The following RAB3C variants were observed in gnomAD, a reference collection of about 807,000 sequenced individuals.
RAB3C encodes RAB3C, member RAS oncogene family, also known as ras-related protein Rab-3C.
A neutral mutation model predicts 26.4 loss-of-function variants in RAB3C; 17 were observed. The observed-to-expected ratio is 0.64, with a 90% CI of 0.44 to 0.97. The LOEUF is 0.97. Among genes scored for constraint, RAB3C ranks in the 50% least tolerant of loss-of-function variants. RAB3C has a pLI of 0.00. For synonymous variants in RAB3C, 91 were observed against 95.9 expected, an observed-to-expected ratio of 0.95 and a Z score of 0.30; for missense variants, 242 against 281.9, an observed-to-expected ratio of 0.86 and a Z score of 1.01.
chr5:58,812,931 G>T (rs1051363125), intron 3 of RAB3C, among the ~76,000 whole-genome samples: 1 of 152,156 alleles, frequency 6.6e-6, no homozygotes, highest in South Asian at 2.1e-4. Flanking sequence ...TCTCATAGAA[G>T]AGGAAGCAGA....
intron 2 of RAB3C, among the ~76,000 whole-genome samples, chr5:58,651,828 C>G (rs1747657153): frequency 6.6e-6 from 1 of 152,116 alleles, no homozygotes; most frequent in Admixed American, 6.6e-5. Flanking sequence ...GCTCGGGTCT[C>G]TTAGATAAAA....
intron 3 of RAB3C, among the ~76,000 whole-genome samples, chr5:58,795,161 CTT>C (rs982168686): frequency 3.9e-5 from 6 of 152,202 alleles, no homozygotes; most frequent in Non-Finnish European, 8.8e-5. Context: ...CACATGCTCT[CTT>C]TGCCTGTCAC....
intron 2 of RAB3C, among the ~76,000 whole-genome samples, chr5:58,713,326 A>C (rs558069322): frequency 6.6e-6 from 1 of 152,334 alleles, no homozygotes; most frequent in African/African-American, 2.4e-5. Flanking sequence ...ATTTTTCAAA[A>C]CAAATTAGAA....
intron 2 of RAB3C, among the ~76,000 whole-genome samples, chr5:58,676,334 C>A (rs1283635055): frequency 1.3e-5 from 2 of 152,022 alleles, no homozygotes; most frequent in Non-Finnish European, 2.9e-5. Flanking sequence ...GAAACCCTGT[C>A]TCTACTAAAA....
At chr5:58,647,769 C>A (rs1177007562) in intron 2 of RAB3C, 1 of 152,058 alleles carries the variant, frequency 6.6e-6, no homozygotes, top group East Asian at 1.9e-4. Context: ...ATAATCCTAA[C>A]CCTTGGATGT....
intron 2 of RAB3C, among the ~76,000 whole-genome samples, chr5:58,712,500 T>C (rs1749080337): frequency 6.6e-6 from 1 of 152,142 alleles, no homozygotes; most frequent in Non-Finnish European, 1.5e-5. Context: ...TTTAAAACTG[T>C]CTACAAAAAA....
chr5:58,723,226 A>G (rs1191049467), intron 2 of RAB3C, among the ~76,000 whole-genome samples: 1 of 151,672 alleles, frequency 6.6e-6, no homozygotes, highest in African/African-American at 2.4e-5. Flanking sequence ...GTTTTCTGCC[A>G]TTGATAGTAT....
intron 3 of RAB3C, among the ~76,000 whole-genome samples, chr5:58,760,202 T>C (rs1272305214): frequency 6.6e-6 from 1 of 152,114 alleles, no homozygotes; most frequent in Non-Finnish European, 1.5e-5. Flanking sequence ...TTTTTTTTTG[T>C]CCATCAGATT....
chr5:58,725,937 T>A, intron 2 of RAB3C, 65 bp from the exon 3 acceptor site: 1 of 923,248 alleles, frequency 1.1e-6, no homozygotes, highest in South Asian at 1.8e-5. Flanking sequence ...TTGGAATTAT[T>A]AATCACTTCC....
chr5:58,638,609 A>G (rs1747338742), intron 2 of RAB3C, among the ~76,000 whole-genome samples: 1 of 152,226 alleles, frequency 6.6e-6, no homozygotes, highest in Non-Finnish European at 1.5e-5. Flanking sequence ...AGGTGTGAGT[A>G]TAATAGAAAC....
intron 3 of RAB3C, among the ~76,000 whole-genome samples, chr5:58,821,513 G>A (rs1743342028): frequency 6.6e-6 from 1 of 152,104 alleles, no homozygotes; most frequent in Non-Finnish European, 1.5e-5. Context: ...TTCATATTCT[G>A]TGTACATAAG....
At chr5:58,672,268 A>ATCCCCTGG (rs1160557379) in intron 2 of RAB3C, among the ~76,000 whole-genome samples, 5 of 152,144 alleles carry the variant, frequency 3.3e-5, no homozygotes, top group Non-Finnish European at 5.9e-5. Context: ...GGCACAGGTG[A>ATCCCCTGG]TCCCCTGGGG....
At chr5:58,759,736 G>A (rs1040657186) in intron 3 of RAB3C, among the ~76,000 whole-genome samples, 2 of 152,142 alleles carry the variant, frequency 1.3e-5, no homozygotes, top group African/African-American at 4.8e-5. Context: ...ATACCTGGAA[G>A]AACTGGCTTC....
intron 4 of RAB3C, among the ~76,000 whole-genome samples, chr5:58,831,093 A>G (rs578161953): frequency 6.6e-6 from 1 of 152,070 alleles, no homozygotes; most frequent in South Asian, 2.1e-4. Flanking sequence ...ACCCAGGCTG[A>G]TCTGGAACTC....
intron 3 of RAB3C, among the ~76,000 whole-genome samples, chr5:58,807,837 T>A (rs964625467): frequency 2.6e-5 from 4 of 151,520 alleles, no homozygotes; most frequent in Non-Finnish European, 4.4e-5. Context: ...AAAAAAAAAA[T>A]TTAAGAAGAA....
At chr5:58,808,224 CAAAAAAAA>C (rs773339041) in intron 3 of RAB3C, among the ~76,000 whole-genome samples, 1 of 63,628 alleles carries the variant, frequency 1.6e-5, no homozygotes, top group African/African-American at 5.2e-5. Flanking sequence ...GACTCCGTCT[CAAAAAAAA>C]AAAAAAAAAA....
chr5:58,815,312 G>T (rs1743192547), intron 3 of RAB3C, among the ~76,000 whole-genome samples: 1 of 152,164 alleles, frequency 6.6e-6, no homozygotes, highest in African/African-American at 2.4e-5. Flanking sequence ...CACATTTGGA[G>T]TTTCAGCTTT....
chr5:58,588,350 C>T (rs1746056635), intron 1 of RAB3C, among the ~76,000 whole-genome samples: 1 of 152,194 alleles, frequency 6.6e-6, no homozygotes, highest in Admixed American at 6.5e-5. Flanking sequence ...AGTGGCTCCA[C>T]ATCTTCAACA....
chr5:58,850,272 A>C (rs914542561), intron 4 of RAB3C, among the ~76,000 whole-genome samples: 3 of 152,208 alleles, frequency 2.0e-5, no homozygotes, highest in African/African-American at 7.2e-5. Flanking sequence ...CTTCTTAACA[A>C]TCTCTGGCAG....
Sources: allele counts gnomAD v4.1 joint callset (sites outside exome capture counted in the v4.1 genomes callset), GRCh38; gene constraint gnomAD v4.1.1; transcripts MANE v1.5; gene names NCBI Gene and HGNC (gene_info 2026-07-23, HGNC 2026-07-21).